SPACA1: variants seen among roughly 807,000 people sequenced by gnomAD.
SPACA1 encodes sperm acrosome membrane-associated protein 1.
Under a neutral mutation model 32.6 loss-of-function variants are expected in SPACA1, and 17 were observed. That is an observed-to-expected ratio of 0.52 (90% CI 0.36 to 0.78). SPACA1 has a LOEUF of 0.78. Among genes scored for constraint, SPACA1 ranks in the 30% least tolerant of loss-of-function variants. The probability of loss-of-function intolerance (pLI) is 0.01; values close to 1 mark genes in which losing one functional copy is unlikely to be tolerated. For synonymous variants in SPACA1, 140 were observed against 138.1 expected (o/e 1.01, Z -0.10); for missense variants, 363 against 373.4 (o/e 0.97, Z 0.23).
chr6:88,049,193 C>T lies in SPACA1; in HGVS notation c.208+1080C>T, dbSNP rs148253890. Among the ~76,000 whole-genome samples the T allele has an allele frequency of 4.0e-3, 614 of 152,250 alleles. 4 individuals are homozygous for T. The highest frequency in any genetic ancestry group is 0.011 in the African/African-American group (440 of 41,546). On this transcript the variant is annotated intron_variant, in intron 1 of 6. Coordinates refer to ENST00000237201, the MANE Select transcript of SPACA1 (RefSeq NM_030960.3). Reference sequence around the variant, plus strand: ...ATGACTAGGAAAGAAGAGAACACGTCCTAAAGCATAGTAGCTATTGCTTCA... The same window carrying T: ...ATGACTAGGAAAGAAGAGAACACGTTCTAAAGCATAGTAGCTATTGCTTCA...
At chr6:88,065,327 T>G (rs980621272) in intron 6 of SPACA1, among the ~76,000 whole-genome samples, 1 of 148,224 alleles carries the variant, frequency 6.7e-6, no homozygotes, top group South Asian at 2.1e-4. Flanking sequence ...TATATTTACA[T>G]GGATGTATAT....
chr6:88,054,855 T>C (rs1775782956), intron 2 of SPACA1, among the ~76,000 whole-genome samples: 1 of 152,190 alleles, frequency 6.6e-6, no homozygotes. Flanking sequence ...TTTAGCCGTT[T>C]TTAAACATAC....
intron 1 of SPACA1, among the ~76,000 whole-genome samples, chr6:88,050,205 C>G (rs569052120): frequency 6.6e-6 from 1 of 152,102 alleles, no homozygotes; most frequent in Non-Finnish European, 1.5e-5. Flanking sequence ...ATCCTTTTAG[C>G]GAAACAGTAT....
In SPACA1 at chr6:88,047,916, G is replaced by T; in HGVS notation, c.11G>T (p.Arg4Met). ...TCGGGGCCGAGAACCATGAGCCCCA[G>T]GGGCACGGGCTGCTCCGCCGGGCTG... Reference protein sequence around the residue: MSPRGTGCSAGLLM... With the variant: MSPMGTGCSAGLLM... The change falls in exon 1 of 7, where the codon AGG becomes ATG. Residue 4 changes from arginine (R) to methionine (M), a missense_variant. Arg to Met is a moderately conservative substitution (Grantham distance 91). Transcript: ENST00000237201. The T allele has an allele frequency of 6.4e-7, 1 of 1,555,536 alleles. No individual in the cohort carries two copies. The highest frequency in any genetic ancestry group is 8.7e-7 in the Non-Finnish European group (1 of 1,150,302).
intron 3 of SPACA1, 147 bp downstream of exon 3, chr6:88,057,860 A>T: frequency 1.6e-6 from 1 of 639,374 alleles, no homozygotes; most frequent in South Asian, 2.0e-5. Context: ...CCACTTCTTC[A>T]AACAGTTATA....
chr6:88,063,204 C>T (rs917997394), intron 5 of SPACA1, among the ~76,000 whole-genome samples: 1 of 152,080 alleles, frequency 6.6e-6, no homozygotes, highest in Non-Finnish European at 1.5e-5. Context: ...CCCAGCAATT[C>T]TATTATTAGA....
intron 2 of SPACA1, among the ~76,000 whole-genome samples, chr6:88,055,387 A>G (rs1037394668): frequency 1.3e-5 from 2 of 152,240 alleles, no homozygotes; most frequent in Admixed American, 6.5e-5. Flanking sequence ...GAGCAGACAC[A>G]TAATATGTAA....
chr6:88,064,319 C>A, intron 6 of SPACA1, 100 bp downstream of exon 6: 1 of 1,255,978 alleles, frequency 8.0e-7, no homozygotes, highest in Non-Finnish European at 1.1e-6. Context: ...ATGTCTCCTA[C>A]ATGTTGCCTT....
chr6:88,052,430 A>G (rs1251071202), intron 1 of SPACA1, among the ~76,000 whole-genome samples: 6 of 152,192 alleles, frequency 3.9e-5, no homozygotes, highest in Non-Finnish European at 5.9e-5. Flanking sequence ...TAAGCATTCC[A>G]CAATTCAAAA....
At position 88,066,171 on chromosome 6, in the gene SPACA1, T is replaced by C; in HGVS notation, c.732-11T>C. On this transcript the variant is annotated splice_polypyrimidine_tract_variant and intron_variant, in intron 6 of 6. Transcript: ENST00000237201. ...TCATATGGTGGTTTTGGTTTTTGTT[T>C]TTTCTTCCAGGGCAGCAGTCAAGGC... 6.5e-7 allele frequency: 1 copy of C among 1,550,026 alleles called. No individual in the cohort carries two copies. Among genetic ancestry groups the C allele is most frequent in the Non-Finnish European group, 8.7e-7 (1 of 1,150,304 alleles).
intron 2 of SPACA1, among the ~76,000 whole-genome samples, chr6:88,056,765 C>T (rs936775518): frequency 3.9e-5 from 6 of 152,242 alleles, no homozygotes; most frequent in Non-Finnish European, 7.4e-5. Context: ...ACATGGGACA[C>T]GGTTCAACAT....
intron 5 of SPACA1, among the ~76,000 whole-genome samples, chr6:88,062,221 C>T (rs1775907821): frequency 6.6e-6 from 1 of 152,134 alleles, no homozygotes; most frequent in South Asian, 2.1e-4. Flanking sequence ...AAAATGGAAA[C>T]TTATACTCCA....
At chr6:88,052,399 A>G (rs549883735) in intron 1 of SPACA1, among the ~76,000 whole-genome samples, 35 of 152,314 alleles carry the variant, frequency 2.3e-4, no homozygotes, top group Non-Finnish European at 4.9e-4. Flanking sequence ...TGTGTCTCAT[A>G]ATGTGTCTGT....
chr6:88,052,989 A>C (rs774814704), intron 1 of SPACA1, among the ~76,000 whole-genome samples: 6 of 152,214 alleles, frequency 3.9e-5, no homozygotes, highest in Admixed American at 3.3e-4. Flanking sequence ...ATTATATCTT[A>C]AGTATGTTTG....
chr6:88,060,767 C>T (rs1173853220), intron 5 of SPACA1, among the ~76,000 whole-genome samples: 1 of 152,162 alleles, frequency 6.6e-6, no homozygotes, highest in Non-Finnish European at 1.5e-5. Flanking sequence ...GTGTGTGGAG[C>T]CATTCTCAGT....
chr6:88,066,084 CACAT>C, intron 6 of SPACA1, 94 bp from the exon 7 acceptor site: 5 of 937,948 alleles, frequency 5.3e-6, no homozygotes, highest in East Asian at 2.7e-5. Context: ...TACACACACA[CACAT>C]ATATATATAT....
At chr6:88,059,101 A>C (rs1447951281) in intron 4 of SPACA1, among the ~76,000 whole-genome samples, 1 of 152,206 alleles carries the variant, frequency 6.6e-6, no homozygotes, top group African/African-American at 2.4e-5. Context: ...CTTATATAGG[A>C]GTTGTATAAT....
chr6:88,058,761 G>A lies in SPACA1; in HGVS notation c.413G>A (p.Cys138Tyr). 1 of 1,613,898 alleles carries A rather than the reference G, an allele frequency of 6.2e-7. No individual in the cohort carries two copies. The highest frequency in any genetic ancestry group is 8.5e-7 in the Non-Finnish European group (1 of 1,179,930). The change falls in exon 4 of 7, where the codon TGT becomes TAT. Residue 138 changes from cysteine (C) to tyrosine (Y), a missense_variant. Coordinates refer to ENST00000237201, the MANE Select transcript of SPACA1 (RefSeq NM_030960.3). ...SESLESVRLACIHTSPLNRFK... is the reference protein window; with the variant it reads ...SESLESVRLAYIHTSPLNRFK... ...AGTCTTGAAAGTGTTAGATTGGCAT[G>A]TATTCACACATCTCCCTTAAATCGT...
chr6:88,052,450 A>T (rs904402033), intron 1 of SPACA1, among the ~76,000 whole-genome samples: 2 of 152,228 alleles, frequency 1.3e-5, no homozygotes, highest in African/African-American at 2.4e-5. Flanking sequence ...ATGGATCATC[A>T]TGATAGTCTA....
Sources: allele counts gnomAD v4.1 joint callset (sites outside exome capture counted in the v4.1 genomes callset), GRCh38; gene constraint gnomAD v4.1.1; transcripts MANE v1.5; gene names NCBI Gene and HGNC (gene_info 2026-07-23, HGNC 2026-07-21).